Variants in MARCHF1 observed in about 807,000 individuals in gnomAD.
The protein encoded by MARCHF1 is E3 ubiquitin-protein ligase MARCHF1.
Under a neutral mutation model 54.2 loss-of-function variants are expected in MARCHF1, and 40 were observed. The ratio of observed to expected loss-of-function variants is 0.74; its 90% confidence interval spans 0.57 to 0.96. The LOEUF (loss-of-function observed/expected upper bound fraction) is 0.96. MARCHF1 is among the 40% of genes least tolerant of loss of function. The pLI is 0.00. For missense variants in MARCHF1, 586 were observed against 656.5 expected (o/e 0.89, Z 1.17); for synonymous variants, 236 against 236.3 (o/e 1.00, Z 0.01).
chr4:163,640,576 T>C (rs1742517453), intron 5 of MARCHF1, among the ~76,000 whole-genome samples: 1 of 152,140 alleles, frequency 6.6e-6, no homozygotes, highest in Non-Finnish European at 1.5e-5. Flanking sequence ...TGGATACTTT[T>C]AGCCTGGAAA....
intron 1 of MARCHF1, among the ~76,000 whole-genome samples, chr4:164,241,642 A>T (rs900639109): frequency 1.3e-5 from 2 of 152,190 alleles, no homozygotes; most frequent in African/African-American, 4.8e-5. Context: ...GCCCAATAGG[A>T]ACAGCTCCGG....
intron 1 of MARCHF1, among the ~76,000 whole-genome samples, chr4:164,298,668 G>T (rs1461786064): frequency 6.6e-6 from 1 of 152,118 alleles, no homozygotes; most frequent in African/African-American, 2.4e-5. Flanking sequence ...TTAAAATAAG[G>T]TTTTCTTTTA....
chr4:163,879,197 T>C (rs1375971985), intron 3 of MARCHF1, among the ~76,000 whole-genome samples: 2 of 152,260 alleles, frequency 1.3e-5, no homozygotes, highest in East Asian at 3.9e-4. Context: ...TCCTAGAGAT[T>C]GCCTATTGAG....
intron 1 of MARCHF1, among the ~76,000 whole-genome samples, chr4:164,380,148 T>C (rs1241004459): frequency 6.6e-6 from 1 of 152,200 alleles, no homozygotes; most frequent in Non-Finnish European, 1.5e-5. Context: ...ATAAGTGCAT[T>C]GACAAGAATG....
At chr4:163,570,068 A>G (rs146952620) in intron 8 of MARCHF1, among the ~76,000 whole-genome samples, 11 of 152,234 alleles carry the variant, frequency 7.2e-5, no homozygotes, top group Non-Finnish European at 1.6e-4. Flanking sequence ...AGGTCTTTAT[A>G]GATAATCTAG....
At chr4:164,041,714 A>T (rs1754132865) in intron 2 of MARCHF1, among the ~76,000 whole-genome samples, 1 of 152,174 alleles carries the variant, frequency 6.6e-6, no homozygotes, top group Non-Finnish European at 1.5e-5. Flanking sequence ...GTGCCCCACC[A>T]CAGATATGAC....
chr4:164,176,968 C>CTA (rs1553989355), intron 1 of MARCHF1, among the ~76,000 whole-genome samples: 4 of 43,342 alleles, frequency 9.2e-5, no homozygotes, highest in African/African-American at 3.2e-4. Context: ...CTCTCTCTCT[C>CTA]TCTCTCTCTC....
intron 2 of MARCHF1, among the ~76,000 whole-genome samples, chr4:164,016,705 A>G (rs1027051393): frequency 6.6e-6 from 1 of 152,154 alleles, no homozygotes; most frequent in African/African-American, 2.4e-5. Context: ...ATGGGTACAA[A>G]AATACAGTTA....
chr4:164,138,929 C>A (rs1164577703), intron 1 of MARCHF1, among the ~76,000 whole-genome samples: 1 of 152,142 alleles, frequency 6.6e-6, no homozygotes, highest in Non-Finnish European at 1.5e-5. Context: ...ACAGCCACCA[C>A]AAAATTATTA....
At chr4:164,189,470 C>T (rs895132184) in intron 1 of MARCHF1, 1 of 711,074 alleles carries the variant, frequency 1.4e-6, no homozygotes. Context: ...GGTGGCTCTA[C>T]TCGAATTCCA....
chr4:163,599,417 CAT>C (rs1740881985), intron 7 of MARCHF1, among the ~76,000 whole-genome samples: 2 of 26,988 alleles, frequency 7.4e-5, no homozygotes, highest in African/African-American at 1.5e-4. Context: ...TCAAAACACA[CAT>C]ACACACACAC....
At chr4:164,138,716 A>G (rs1756456835) in intron 1 of MARCHF1, among the ~76,000 whole-genome samples, 1 of 152,180 alleles carries the variant, frequency 6.6e-6, no homozygotes, top group African/African-American at 2.4e-5. Flanking sequence ...CTGAAGAGGG[A>G]GATTCATCAC....
intron 1 of MARCHF1, among the ~76,000 whole-genome samples, chr4:164,199,868 CAT>C (rs1306850291): frequency 2.6e-5 from 4 of 152,092 alleles, no homozygotes; most frequent in African/African-American, 9.7e-5. Flanking sequence ...CTTGAACCTG[CAT>C]ATGTCTTCAG....
chr4:164,316,330 C>T (rs956094145), intron 1 of MARCHF1, among the ~76,000 whole-genome samples: 1 of 152,096 alleles, frequency 6.6e-6, no homozygotes, highest in Non-Finnish European at 1.5e-5. Context: ...CTAGCAACTA[C>T]TTTTTAGAGC....
chr4:164,129,673 A>C (rs1429294320), intron 1 of MARCHF1, among the ~76,000 whole-genome samples: 3 of 152,148 alleles, frequency 2.0e-5, no homozygotes, highest in Admixed American at 2.0e-4. Flanking sequence ...CCCATAGTTT[A>C]TTCCATAGCA....
At chr4:164,115,914 T>C (rs887041341) in intron 1 of MARCHF1, among the ~76,000 whole-genome samples, 1 of 152,066 alleles carries the variant, frequency 6.6e-6, no homozygotes, top group South Asian at 2.1e-4. Flanking sequence ...AGAAGGTACA[T>C]AAAAGACAAT....
At chr4:164,062,632 C>T (rs1489293869) in intron 2 of MARCHF1, among the ~76,000 whole-genome samples, 2 of 152,118 alleles carry the variant, frequency 1.3e-5, no homozygotes, top group Non-Finnish European at 2.9e-5. Flanking sequence ...TCCAGCTATT[C>T]TCCTGCCTCA....
intron 8 of MARCHF1, among the ~76,000 whole-genome samples, chr4:163,557,847 A>G (rs11100510): frequency 0.69 from 104,429 of 152,014 alleles, 37,414 homozygotes; most frequent in Middle Eastern, 0.84. Context: ...AGGGGATAGA[A>G]ATTAAATGTT....
At chr4:164,034,069 AG>A (rs1753940355) in intron 2 of MARCHF1, among the ~76,000 whole-genome samples, 1 of 32,026 alleles carries the variant, frequency 3.1e-5, no homozygotes, top group African/African-American at 3.5e-4. Context: ...TGTGATAGAC[AG>A]ATAGATAGAT....
Sources: allele counts gnomAD v4.1 joint callset (sites outside exome capture counted in the v4.1 genomes callset), GRCh38; gene constraint gnomAD v4.1.1; transcripts MANE v1.5; gene names NCBI Gene and HGNC (gene_info 2026-07-23, HGNC 2026-07-21).